The following B4GALNT3 variants were observed in gnomAD, a reference collection of about 807,000 sequenced individuals.
The protein encoded by B4GALNT3 is beta-1,4-N-acetylgalactosaminyltransferase 3.
A neutral mutation model predicts 120.2 loss-of-function variants in B4GALNT3; 86 were observed. That is an observed-to-expected ratio of 0.72 (90% CI 0.60 to 0.86). The LOEUF is 0.86. Ranked by LOEUF, B4GALNT3 falls within the 40% of genes least tolerant of loss-of-function variation. The probability of loss-of-function intolerance (pLI) is 0.00; values close to 1 mark genes in which losing one functional copy is unlikely to be tolerated. For synonymous variants in B4GALNT3, 518 were observed against 510.4 expected (o/e 1.01, Z -0.20); for missense variants, 1,167 against 1,298.9 (o/e 0.90, Z 1.56).
At chr12:471,814 T>C (rs1426067310) in intron 1 of B4GALNT3, among the ~76,000 whole-genome samples, 1 of 152,248 alleles carries the variant, frequency 6.6e-6, no homozygotes, top group Non-Finnish European at 1.5e-5. Flanking sequence ...AAATTGTTGG[T>C]TGCAAGAGGC....
At chr12:533,920 CGTGG>C (rs1320882410) in intron 1 of B4GALNT3, among the ~76,000 whole-genome samples, 1 of 152,182 alleles carries the variant, frequency 6.6e-6, no homozygotes, top group East Asian at 1.9e-4. Context: ...AGCCCATATT[CGTGG>C]GTGGTGCTCT....
chr12:542,187 A>G (rs1946926386), intron 3 of B4GALNT3, among the ~76,000 whole-genome samples: 1 of 152,088 alleles, frequency 6.6e-6, no homozygotes, highest in Admixed American at 6.5e-5. Flanking sequence ...TGACCAGGCC[A>G]GTGTGCCCCA....
chr12:481,300 T>C (rs1031601852), intron 1 of B4GALNT3, among the ~76,000 whole-genome samples: 2 of 152,208 alleles, frequency 1.3e-5, no homozygotes, highest in African/African-American at 4.8e-5. Context: ...GACCTCACAG[T>C]GCCGTGGCAG....
At chr12:531,818 A>G (rs1946811096) in intron 1 of B4GALNT3, among the ~76,000 whole-genome samples, 1 of 152,196 alleles carries the variant, frequency 6.6e-6, no homozygotes, top group African/African-American at 2.4e-5. Context: ...GGTCTGGCCC[A>G]CATAATTTAA....
chr12:512,206 C>T (rs1302025723), intron 1 of B4GALNT3, among the ~76,000 whole-genome samples: 46 of 82,268 alleles, frequency 5.6e-4, no homozygotes, highest in Non-Finnish European at 7.0e-4. Flanking sequence ...TTCCACCTTC[C>T]ACCTTCCACC....
intron 1 of B4GALNT3, among the ~76,000 whole-genome samples, chr12:472,440 CTGCT>C (rs1439487798): frequency 7.4e-6 from 1 of 135,634 alleles, no homozygotes; most frequent in Non-Finnish European, 1.6e-5. Context: ...GCCACCATGC[CTGCT>C]TATTTTATTT....
At chr12:560,262 T>TG (rs1448916239) in intron 19 of B4GALNT3, among the ~76,000 whole-genome samples, 4 of 152,094 alleles carry the variant, frequency 2.6e-5, no homozygotes, top group African/African-American at 4.8e-5. Context: ...TCAGGAGCAC[T>TG]GGGGGCGGGA....
At chr12:537,728 G>A (rs1946875647) in intron 3 of B4GALNT3, among the ~76,000 whole-genome samples, 1 of 152,290 alleles carries the variant, frequency 6.6e-6, no homozygotes, top group African/African-American at 2.4e-5. Flanking sequence ...TTAGAACCCA[G>A]CGTCTTTAGT....
At chr12:555,653 C>CTGCCA (rs113545488) in intron 14 of B4GALNT3, among the ~76,000 whole-genome samples, 3,649 of 152,324 alleles carry the variant, frequency 0.024, 138 homozygotes, top group African/African-American at 0.078. Flanking sequence ...TGTTGAGGAG[C>CTGCCA]TGCCACTCTG....
chr12:524,651 A>G (rs1196436250), intron 1 of B4GALNT3, among the ~76,000 whole-genome samples: 5 of 112,050 alleles, frequency 4.5e-5, no homozygotes, highest in East Asian at 6.5e-4. Flanking sequence ...AAAAAAAAAA[A>G]AAAGAAAAAA....
chr12:506,646 AT>A (rs1025201099), intron 1 of B4GALNT3, among the ~76,000 whole-genome samples: 8 of 147,948 alleles, frequency 5.4e-5, no homozygotes, highest in Non-Finnish European at 8.8e-5. Context: ...TATTTTATTT[AT>A]TTTTTTTGAG....
chr12:512,633 C>T (rs377387028), intron 1 of B4GALNT3, among the ~76,000 whole-genome samples: 4,624 of 136,590 alleles, frequency 0.034, 177 homozygotes, highest in East Asian at 0.095. Flanking sequence ...TTCCACCTTC[C>T]GCCTTCCACC....
In B4GALNT3 at chr12:546,544, T is replaced by G. The variant is rs920384191; in HGVS notation, c.640-102T>G. The G allele has an allele frequency of 4.7e-6, 5 of 1,061,060 alleles. No homozygotes were observed. In the Admixed American group the frequency reaches 8.2e-5, roughly 17 times the overall value. The allele number at this position is 1,061,060 out of a possible 1,614,324, so 65.7% of individuals were successfully genotyped here. ...TCATTCCGCCCGTCTTCCTCCCTTT[T>G]TCTCTCACTTCTTGGTTCTCCTTCC... On this transcript the variant is annotated intron_variant, in intron 6 of 19. Transcript: ENST00000266383.
intron 13 of B4GALNT3, 112 bp from the exon 14 acceptor site, chr12:553,082 C>T: frequency 6.8e-7 from 1 of 1,470,466 alleles, no homozygotes. Flanking sequence ...GGATTCAACC[C>T]CAGTCTGGAG....
chr12:493,629 T>A (rs1308481551), intron 1 of B4GALNT3, among the ~76,000 whole-genome samples: 1 of 151,392 alleles, frequency 6.6e-6, no homozygotes, highest in Non-Finnish European at 1.5e-5. Flanking sequence ...GAGAAGGATA[T>A]AATTCACCAT....
At position 519,016 on chromosome 12, in the gene B4GALNT3, A is replaced by G. The variant is rs552612943; in HGVS notation, c.170-16150A>G. 6.6e-5 allele frequency among the ~76,000 whole-genome samples: 10 copies of G among 152,290 alleles called. No individual in the cohort carries two copies. The East Asian group carries it at 1.5e-3, about 24-fold the overall frequency. ...TCTTTTAAAGCTTCCTTCCCACTGT[A>G]AGCCATTTCGTGCAACCATCAGAAT... On this transcript the variant is annotated intron_variant, in intron 1 of 19. Coordinates refer to ENST00000266383, the MANE Select transcript of B4GALNT3 (RefSeq NM_173593.4).
intron 1 of B4GALNT3, among the ~76,000 whole-genome samples, chr12:476,744 G>GT (rs1946189509): frequency 6.6e-6 from 1 of 152,212 alleles, no homozygotes. Context: ...CTCTGTCCCT[G>GT]TTTTGATTGG....
At chr12:499,721 G>A (rs1442379080) in intron 1 of B4GALNT3, among the ~76,000 whole-genome samples, 1 of 152,252 alleles carries the variant, frequency 6.6e-6, no homozygotes, top group African/African-American at 2.4e-5. Context: ...GCCCGTGGTA[G>A]GCACTCAAAC....
At chr12:509,492 ACTTG>A (rs952623966) in intron 1 of B4GALNT3, among the ~76,000 whole-genome samples, 11 of 152,360 alleles carry the variant, frequency 7.2e-5, no homozygotes, top group African/African-American at 2.6e-4. Flanking sequence ...AAAAATACCA[ACTTG>A]CTCTCAGGGT....
Sources: gnomAD v4.1 joint callset for allele counts (sites outside exome capture counted in the v4.1 genomes callset) on GRCh38, gnomAD v4.1.1 for gene constraint, MANE v1.5 for transcripts, NCBI Gene and HGNC (gene_info 2026-07-23, HGNC 2026-07-21) for gene names.